ADGRG1: variants seen among roughly 807,000 people sequenced by gnomAD.
ADGRG1 encodes the protein 7-transmembrane protein with no EGF-like N-terminal domains-1.
In ADGRG1, 53 loss-of-function variants were observed where a neutral mutation model predicts 73.5. The ratio of observed to expected loss-of-function variants is 0.72; its 90% CI spans 0.58 to 0.91. The LOEUF (loss-of-function observed/expected upper bound fraction) is 0.91. Among genes scored for constraint, ADGRG1 ranks in the 40% least tolerant of loss-of-function variants. The pLI is 0.00. For missense variants in ADGRG1, 795 were observed against 871.8 expected, an observed-to-expected ratio of 0.91 and a Z score of 1.11; for synonymous variants, 394 against 374.4, an observed-to-expected ratio of 1.05 and a Z score of -0.60.
At chr16:57,661,502 T>C in intron 12 of ADGRG1, 195 bp from the exon 13 acceptor site, 4 of 981,604 alleles carry the variant, frequency 4.1e-6, no homozygotes, top group Non-Finnish European at 4.8e-6. Context: ...ATATTATTAC[T>C]TACTTAACAT....
At chr16:57,639,227 C>T (rs2040136938) in intron 1 of ADGRG1, 7 of 983,456 alleles carry the variant, frequency 7.1e-6, no homozygotes, top group Admixed American at 6.1e-5. Flanking sequence ...CCCCATAAAT[C>T]GCTGTCCTAA....
chr16:57,631,526 CCTCCTCCCAGACTGGAG>C, intron 1 of ADGRG1: 1 of 985,582 alleles, frequency 1.0e-6, no homozygotes, highest in Non-Finnish European at 1.2e-6. Context: ...AGCACCACCT[CCTCCTCCCAGACTGGAG>C]CTTGATCAGG....
At chr16:57,622,903 C>A, upstream of ADGRG1, 1 of 985,446 alleles carries the variant, frequency 1.0e-6, no homozygotes, top group Non-Finnish European at 1.2e-6. Flanking sequence ...CTGCATTCTG[C>A]AGTGGCCCTT....
chr16:57,659,712 CTGCCTCTCCCACT>C, intron 11 of ADGRG1, 31 bp downstream of exon 11: 1 of 1,611,596 alleles, frequency 6.2e-7, no homozygotes. Context: ...TGCCTCAGAC[CTGCCTCTCCCACT>C]TGGCTCTGGC....
chr16:57,624,691 C>A, upstream of ADGRG1: 1 of 982,742 alleles, frequency 1.0e-6, no homozygotes, highest in Non-Finnish European at 1.2e-6. Context: ...TGTCTTCCTA[C>A]TCCCCCAGGC....
chr16:57,638,938 T>C (rs1868680), intron 1 of ADGRG1, among the ~76,000 whole-genome samples: 97,348 of 151,774 alleles, frequency 0.64, 32,579 homozygotes, highest in African/African-American at 0.86. Context: ...GGCATGGTGG[T>C]GGGCACCTGT....
rs987426734 is a variant in ADGRG1 at position 57,644,109 on chromosome 16, C to T, written c.-35-6144C>T. 4.0e-5 allele frequency: 39 copies of T among 984,976 alleles called. No individual in the cohort carries two copies. The African/African-American group carries it at 5.4e-4, about 14-fold the overall frequency. 61.0% of individuals were successfully genotyped at this position (984,976 alleles called of 1,614,324 possible). On this transcript the variant is annotated intron_variant, in intron 1 of 13. Coordinates refer to ENST00000562631, the MANE Select transcript of ADGRG1 (RefSeq NM_201525.4). Reference sequence around the variant, plus strand: ...GAGCCCTGCTCTTTGCACTGTGCCCCGCCCTCCCTGTCCCCTTCCCAGCTT... The same window carrying T: ...GAGCCCTGCTCTTTGCACTGTGCCCTGCCCTCCCTGTCCCCTTCCCAGCTT...
At chr16:57,656,293 G>A in intron 8 of ADGRG1, 22 bp downstream of exon 8, 1 of 1,611,424 alleles carries the variant, frequency 6.2e-7, no homozygotes. Context: ...GGGGTCTCTG[G>A]GCTGGACAAG....
chr16:57,632,368 G>A (rs559994960), intron 1 of ADGRG1: 21 of 954,264 alleles, frequency 2.2e-5, no homozygotes, highest in African/African-American at 1.9e-4. Flanking sequence ...CCTGTGCCTC[G>A]GTTTCCTCAT....
At position 57,641,273 on chromosome 16, in the gene ADGRG1, G is replaced by A. The variant is rs2040747498; in HGVS notation, c.-35-8980G>A. The A allele has an allele frequency of 5.1e-6, 5 of 984,990 alleles. No homozygotes were observed. The South Asian group carries it at 2.4e-4, about 46-fold the overall frequency. The allele number at this position is 984,990 out of a possible 1,614,324, so 61.0% of individuals were successfully genotyped here. A position where few individuals can be genotyped will look rare whatever the true frequency, so the allele number is the denominator to read the frequency against. On this transcript the variant is annotated intron_variant, in intron 1 of 13. Transcript: ENST00000562631. ...TATGCCCCTAACTCCTGCCACCCCT[G>A]CTCTAGGCATGTACATTCCCTGGGC... is the stretch of plus-strand genomic sequence containing the variant.
chr16:57,632,531 T>C (rs1268113444), intron 1 of ADGRG1, among the ~76,000 whole-genome samples: 1 of 152,188 alleles, frequency 6.6e-6, no homozygotes, highest in African/African-American at 2.4e-5. Context: ...GATGGCTGTA[T>C]TGAGGCCCAG....
chr16:57,645,782 G>A (rs1437082448), intron 1 of ADGRG1, among the ~76,000 whole-genome samples: 4 of 152,354 alleles, frequency 2.6e-5, no homozygotes, highest in African/African-American at 9.6e-5. Flanking sequence ...CCACCGGCAG[G>A]CTTGGGAGCC....
Position 57,664,163 on chromosome 16 carries a change from CCCCT to C in ADGRG1, c.*591_*594del. The C allele has an allele frequency of 6.4e-6, 1 of 155,270 alleles. No homozygotes were observed. Among genetic ancestry groups the C allele is most frequent in the Admixed American group, 6.4e-5 (1 of 15,682 alleles). 9.6% of individuals were successfully genotyped at this position (155,270 alleles called of 1,614,324 possible). A position where few individuals can be genotyped will look rare whatever the true frequency, so the allele number is the denominator to read the frequency against. On this transcript the variant is annotated 3_prime_UTR_variant, in exon 14 of 14. Transcript: ENST00000562631. ...AGCTCGCCTACCTCTGAGCCCAGGCCCCCTCCCTCCCTCAGCCCCCCAGTCCTCC... is the reference window on the plus strand; with the variant it reads ...AGCTCGCCTACCTCTGAGCCCAGGCCCCCTCCCTCAGCCCCCCAGTCCTCC...
chr16:57,645,154 C>G, intron 1 of ADGRG1: 4 of 985,474 alleles, frequency 4.1e-6, no homozygotes, highest in Non-Finnish European at 4.8e-6. Context: ...TCCAAAGGCT[C>G]AGCAGCTCAG....
chr16:57,624,234 TCA>T, upstream of ADGRG1: 1 of 913,076 alleles, frequency 1.1e-6, no homozygotes, highest in Non-Finnish European at 1.3e-6. Flanking sequence ...GCGCAGTGGC[TCA>T]CACCTGTAAT....
chr16:57,632,197 G>C (rs2038142643), intron 1 of ADGRG1: 1 of 985,318 alleles, frequency 1.0e-6, no homozygotes, highest in Non-Finnish European at 1.2e-6. Context: ...TGGTGGAGAG[G>C]AGGCTCCTCA....
intron 13 of ADGRG1, chr16:57,662,796 G>A (rs1197440615): frequency 3.0e-5 from 7 of 231,164 alleles, no homozygotes; most frequent in Non-Finnish European, 5.0e-5. Context: ...ACATTGAGGT[G>A]CACACACAGG....
In ADGRG1 at chr16:57,661,874, C is replaced by T. The variant is rs574553979; in HGVS notation, c.1842C>T (p.Gly614=). ...LTLLGLSLVL[G]LPWALIFFSF... is the part of the protein sequence containing the mutation. ...TGCTGGGCCTCAGCCTGGTCCTTGG[C>T]CTGCCCTGGGCCTTGATCTTCTTCT... is the stretch of plus-strand genomic sequence containing the variant. Residue 614 remains glycine, a synonymous_variant, in exon 13 of 14, where the codon GGC becomes GGT. Coordinates refer to ENST00000562631, the MANE Select transcript of ADGRG1 (RefSeq NM_201525.4). 7.1e-5 allele frequency: 114 copies of T among 1,614,256 alleles called. No individual in the cohort carries two copies. The East Asian group carries it at 2.4e-3, about 34-fold the overall frequency.
At chr16:57,642,244 G>A (rs1046630359) in intron 1 of ADGRG1, 63 of 985,202 alleles carry the variant, frequency 6.4e-5, no homozygotes, top group Non-Finnish European at 3.3e-5. Flanking sequence ...TTTTCCCCAC[G>A]AGCTGGTGCT....
Sources: allele counts gnomAD v4.1 joint callset (sites outside exome capture counted in the v4.1 genomes callset), GRCh38; gene constraint gnomAD v4.1.1; transcripts MANE v1.5; gene names NCBI Gene and HGNC (gene_info 2026-07-23, HGNC 2026-07-21).